Variants in CCDC141 observed in about 807,000 individuals in gnomAD.
CCDC141 encodes the protein coiled-coil domain-containing protein 141.
A neutral mutation model predicts 181.0 loss-of-function variants in CCDC141; 168 were observed. The observed-to-expected ratio is 0.93, with a 90% CI of 0.82 to 1.05. CCDC141 has a LOEUF of 1.05. Among genes scored for constraint, CCDC141 ranks in the 50% least tolerant of loss-of-function variants. The pLI is 0.00. For synonymous variants in CCDC141, 666 were observed against 642.3 expected (o/e 1.04, Z -0.56); for missense variants, 1,902 against 1,788.5 (o/e 1.06, Z -1.14).
Position 178,886,793 on chromosome 2 carries a change from T to C in CCDC141, c.1486A>G (p.Lys496Glu). The change falls in exon 10 of 24, where the codon AAG (lysine) becomes GAG (glutamate). Residue 496 changes from lysine (K) to glutamate (E), a missense_variant. By Grantham distance (56) the Lys-to-Glu change is moderately conservative. Coordinates refer to ENST00000443758, the MANE Select transcript of CCDC141 (RefSeq NM_173648.4). ...AGTTCCAGATATTTATTCAAAATCTTCTCTGATTCAGAACGGGTAGAACCA... is the reference window on the plus strand; with the variant it reads ...AGTTCCAGATATTTATTCAAAATCTCCTCTGATTCAGAACGGGTAGAACCA... ...DVGSTRSESE[K>E]ILNKYLELDI... The C allele has an allele frequency of 6.8e-7, 1 of 1,474,580 alleles. No individual in the cohort carries two copies. Among genetic ancestry groups the C allele is most frequent in the South Asian group, 1.3e-5 (1 of 75,284 alleles). 91.3% of individuals were successfully genotyped at this position (1,474,580 alleles called of 1,614,324 possible). A position where few individuals can be genotyped will look rare whatever the true frequency, so the allele number is the denominator to read the frequency against.
intron 8 of CCDC141, among the ~76,000 whole-genome samples, chr2:178,904,486 A>G (rs143485565): frequency 2.0e-5 from 3 of 152,304 alleles, no homozygotes; most frequent in African/African-American, 7.2e-5. Context: ...ATTTTATCAC[A>G]TTTCACCTAT....
intron 2 of CCDC141, among the ~76,000 whole-genome samples, chr2:179,033,477 C>T (rs1333446734): frequency 6.6e-6 from 1 of 152,082 alleles, no homozygotes; most frequent in Non-Finnish European, 1.5e-5. Flanking sequence ...AATTTTATGT[C>T]TTTTCTAGAG....
At chr2:178,847,832 C>G (rs1685004953) in intron 21 of CCDC141, among the ~76,000 whole-genome samples, 1 of 152,120 alleles carries the variant, frequency 6.6e-6, no homozygotes, top group African/African-American at 2.4e-5. Context: ...GTGAAGCCCT[C>G]ATGAATAGGA....
chr2:178,975,113 A>T lies in CCDC141; in HGVS notation c.470T>A (p.Phe157Tyr). 2.6e-6 allele frequency: 4 copies of T among 1,528,734 alleles called. No homozygotes were observed. The highest frequency in any genetic ancestry group is 3.5e-6 in the Non-Finnish European group (4 of 1,130,632). 94.7% of individuals were successfully genotyped at this position (1,528,734 alleles called of 1,614,324 possible). The change falls in exon 4 of 24, where the codon TTT becomes TAT. Residue 157 changes from phenylalanine (F) to tyrosine (Y), a missense_variant. Coordinates refer to ENST00000443758, the MANE Select transcript of CCDC141 (RefSeq NM_173648.4). ...AEDFLQNTHE[F>Y]ESAESLKSLL... The stretch of plus-strand genomic sequence containing the variant: ...TGATTTTAAGGACTCAGCACTCTCA[A>T]ACTCATGAGTATTCTGGAGGAAATC...
intron 3 of CCDC141, among the ~76,000 whole-genome samples, chr2:178,977,303 T>C (rs892432233): frequency 1.3e-5 from 2 of 152,088 alleles, no homozygotes; most frequent in African/African-American, 2.4e-5. Context: ...GAAACAAATA[T>C]TGCTCCAATG....
chr2:178,871,393 C>T, intron 14 of CCDC141, 34 bp downstream of exon 14: 2 of 1,589,350 alleles, frequency 1.3e-6, no homozygotes, highest in Non-Finnish European at 1.7e-6. Context: ...AGTATTTTTT[C>T]CATTCACCCA....
intron 6 of CCDC141, among the ~76,000 whole-genome samples, chr2:178,931,752 A>T (rs1470832809): frequency 6.6e-6 from 1 of 152,212 alleles, no homozygotes; most frequent in Non-Finnish European, 1.5e-5. Flanking sequence ...TGATAGTTAC[A>T]CAATACTGTG....
At chr2:179,017,460 A>G (rs1350616296) in intron 2 of CCDC141, among the ~76,000 whole-genome samples, 4 of 151,942 alleles carry the variant, frequency 2.6e-5, no homozygotes, top group Non-Finnish European at 2.9e-5. Flanking sequence ...CCACCTTTCA[A>G]ATCATTTCTG....
intron 4 of CCDC141, 23 bp from the exon 5 acceptor site, chr2:178,961,506 A>G (rs1039795281): frequency 6.6e-7 from 1 of 1,523,356 alleles, no homozygotes; most frequent in African/African-American, 1.4e-5. Context: ...TAGAAAGAAA[A>G]AAGAATAATG....
Position 178,905,507 on chromosome 2 carries a change from A to C in CCDC141, c.1093-6T>G. 6.5e-7 allele frequency: 1 copy of C among 1,539,912 alleles called. No homozygotes were observed. Among genetic ancestry groups the C allele is most frequent in the Non-Finnish European group, 8.7e-7 (1 of 1,143,558 alleles). ...CTTCCAAGTACATCAAATGCCTGCC[A>C]AAGAAAACATACTTTTATTTTCTGC... On this transcript the variant is annotated splice_polypyrimidine_tract_variant and splice_region_variant and intron_variant, in intron 7 of 23. Transcript: ENST00000443758.
intron 2 of CCDC141, among the ~76,000 whole-genome samples, chr2:178,981,636 G>GTATATATATATGTATATATATATATA: frequency 1.6e-5 from 1 of 62,396 alleles, no homozygotes; most frequent in Admixed American, 2.0e-4. Context: ...GTGTGTGTGT[G>GTATATATATATGTATATATATATATA]TATATATATA....
chr2:178,887,396 T>C (rs1199841276), intron 9 of CCDC141, among the ~76,000 whole-genome samples: 1 of 152,206 alleles, frequency 6.6e-6, no homozygotes, highest in Non-Finnish European at 1.5e-5. Context: ...GGACTATGAT[T>C]TGATCCTCAG....
intron 3 of CCDC141, among the ~76,000 whole-genome samples, chr2:178,976,010 A>C (rs1490181045): frequency 6.6e-6 from 1 of 152,164 alleles, no homozygotes; most frequent in African/African-American, 2.4e-5. Flanking sequence ...TGAGGAATAT[A>C]ACTGGTCTGT....
intron 2 of CCDC141, among the ~76,000 whole-genome samples, chr2:179,030,924 G>C (rs2042982236): frequency 6.6e-6 from 1 of 151,966 alleles, no homozygotes; most frequent in Non-Finnish European, 1.5e-5. Context: ...AGTTTGGTAA[G>C]CAGGCTTTTC....
At position 178,859,166 on chromosome 2, in the gene CCDC141, G is replaced by A. The variant is rs149648141; in HGVS notation, c.2725-2769C>T. 2.0e-3 allele frequency among the ~76,000 whole-genome samples: 297 copies of A among 152,246 alleles called. 6 individuals are homozygous for A. The South Asian group carries it at 0.021, about 11-fold the overall frequency. ...GGCACTTTTCTCTTTTGGTTTCACTGGAAATCCATTTTAAAACTAAATCTC... is the reference window on the plus strand; with the variant it reads ...GGCACTTTTCTCTTTTGGTTTCACTAGAAATCCATTTTAAAACTAAATCTC... On this transcript the variant is annotated intron_variant, in intron 17 of 23. Transcript: ENST00000443758.
At position 178,865,812 on chromosome 2, in the gene CCDC141, C is replaced by T. The variant is rs770792942; in HGVS notation, c.2679G>A (p.Leu893=). 6.9e-6 allele frequency: 11 copies of T among 1,604,376 alleles called. No homozygotes were observed. The highest frequency in any genetic ancestry group is 7.7e-6 in the Non-Finnish European group (9 of 1,175,302). Residue 893 remains leucine (L), a synonymous_variant, in exon 17 of 24, where the codon CTG becomes CTA. Transcript: ENST00000443758. ...TGGCGCAGTACTCCACACTACGGGA[C>T]AGGGTCCGTCCATACTCCTCAGCTT... ...RAKAEEYGRT[L]SRSVEYCAMR... is the part of the protein sequence containing the mutation.
chr2:179,035,044 T>C (rs1427736941), intron 2 of CCDC141, among the ~76,000 whole-genome samples: 1 of 152,172 alleles, frequency 6.6e-6, no homozygotes, highest in Non-Finnish European at 1.5e-5. Context: ...AAGGTTTTCC[T>C]GGAAGAACTA....
At chr2:178,966,306 C>G (rs1300513439) in intron 4 of CCDC141, among the ~76,000 whole-genome samples, 1 of 152,228 alleles carries the variant, frequency 6.6e-6, no homozygotes, top group Non-Finnish European at 1.5e-5. Context: ...TCCCTGACCC[C>G]TGTGTATCCT....
chr2:178,858,442 G>T (rs1191663514), intron 17 of CCDC141, among the ~76,000 whole-genome samples: 1 of 111,224 alleles, frequency 9.0e-6, no homozygotes, highest in Admixed American at 1.1e-4. Flanking sequence ...TATATAATAA[G>T]TACATCTGAG....
Sources: gnomAD v4.1 joint callset for allele counts (sites outside exome capture counted in the v4.1 genomes callset) on GRCh38, gnomAD v4.1.1 for gene constraint, MANE v1.5 for transcripts, NCBI Gene and HGNC (gene_info 2026-07-23, HGNC 2026-07-21) for gene names.